JARID2: variants seen among roughly 807,000 people sequenced by gnomAD.
JARID2 encodes the protein jumonji and AT-rich interaction domain containing 2.
A neutral mutation model predicts 125.6 loss-of-function variants in JARID2; 21 were observed. The observed-to-expected ratio is 0.17, with a 90% confidence interval of 0.12 to 0.24. The LOEUF (loss-of-function observed/expected upper bound fraction) is 0.24. Among genes scored for constraint, JARID2 ranks in the 10% least tolerant of loss-of-function variants. The pLI, the probability that JARID2 is intolerant of heterozygous loss-of-function variation, is 1.00. For missense variants in JARID2, 1,303 were observed against 1,639.6 expected (o/e 0.79, Z 3.55); for synonymous variants, 736 against 661.6 (o/e 1.11, Z -1.73).
intron 3 of JARID2, among the ~76,000 whole-genome samples, chr6:15,430,155 T>A (rs937192224): frequency 6.6e-6 from 1 of 152,222 alleles, no homozygotes; most frequent in African/African-American, 2.4e-5. Flanking sequence ...GATAATAAAA[T>A]AATGTCTTAT....
chr6:15,372,982 C>G (rs569116559), intron 1 of JARID2, among the ~76,000 whole-genome samples: 78 of 152,188 alleles, frequency 5.1e-4, no homozygotes, highest in Non-Finnish European at 9.3e-4. Context: ...GCTGGGATTA[C>G]AGGCGTGAGG....
chr6:15,465,944 C>G (rs979518680), intron 4 of JARID2, among the ~76,000 whole-genome samples: 2 of 152,208 alleles, frequency 1.3e-5, no homozygotes, highest in Admixed American at 1.3e-4. Flanking sequence ...GCTGGGATTA[C>G]AGACATGCAT....
chr6:15,396,805 GTGT>G (rs1343618086), intron 2 of JARID2, among the ~76,000 whole-genome samples: 1 of 152,226 alleles, frequency 6.6e-6, no homozygotes, highest in Non-Finnish European at 1.5e-5. Context: ...GAGGGCTACA[GTGT>G]TGTCTTTTTT....
intron 6 of JARID2, among the ~76,000 whole-genome samples, chr6:15,493,207 G>C (rs1376682607): frequency 2.1e-4 from 32 of 152,130 alleles, no homozygotes; most frequent in Admixed American, 2.1e-3. Flanking sequence ...AGCGGTGTTA[G>C]GGAAGGGTAG....
At chr6:15,490,778 G>A (rs1337584656) in intron 6 of JARID2, among the ~76,000 whole-genome samples, 1 of 152,220 alleles carries the variant, frequency 6.6e-6, no homozygotes, top group African/African-American at 2.4e-5. Context: ...TCCAACAGAC[G>A]AGCTTTATTT....
At chr6:15,290,997 T>G (rs754594126) in intron 1 of JARID2, among the ~76,000 whole-genome samples, 4 of 152,126 alleles carry the variant, frequency 2.6e-5, no homozygotes, top group Non-Finnish European at 5.9e-5. Flanking sequence ...TTTGGGAGGC[T>G]GAGGCAGTGC....
chr6:15,381,501 C>G (rs1268209065), intron 2 of JARID2, among the ~76,000 whole-genome samples: 2 of 152,128 alleles, frequency 1.3e-5, no homozygotes, highest in South Asian at 2.1e-4. Context: ...TTTTCTTTCC[C>G]TCTCCTGTTT....
rs549959571 is a variant in JARID2, at chr6:15,276,992, C to T, written c.45+30408C>T. ...GGCGAAAGCTTGTTACCATGAAGTT[C>T]GTTAGAAGATGAGACTCCATTCAAA... On this transcript the variant is annotated intron_variant, in intron 1 of 17. Coordinates refer to ENST00000341776, the MANE Select transcript of JARID2 (RefSeq NM_004973.4). Among the ~76,000 whole-genome samples, 13 of 152,224 alleles carry T rather than the reference C, an allele frequency of 8.5e-5. No homozygotes were observed. The South Asian group carries it at 1.4e-3, about 17-fold the overall frequency.
intron 1 of JARID2, among the ~76,000 whole-genome samples, chr6:15,287,170 C>G (rs1238785299): frequency 6.6e-6 from 1 of 151,460 alleles, no homozygotes; most frequent in East Asian, 1.9e-4. Context: ...CAAAAAAACC[C>G]CTCTTGATCC....
intron 5 of JARID2, among the ~76,000 whole-genome samples, chr6:15,482,604 T>C (rs1769674528): frequency 6.6e-6 from 1 of 152,254 alleles, no homozygotes; most frequent in African/African-American, 2.4e-5. Context: ...TGATTGCTTC[T>C]GTATTCATCT....
intron 3 of JARID2, among the ~76,000 whole-genome samples, chr6:15,450,941 T>C (rs1174079518): frequency 6.6e-6 from 1 of 152,044 alleles, no homozygotes; most frequent in Non-Finnish European, 1.5e-5. Context: ...GGCGGGTGGA[T>C]CACCTGAGGT....
intron 1 of JARID2, among the ~76,000 whole-genome samples, chr6:15,336,400 A>C (rs902648930): frequency 5.3e-5 from 8 of 152,264 alleles, no homozygotes; most frequent in African/African-American, 1.9e-4. Flanking sequence ...GGAATGAACT[A>C]CTTTGGTCAA....
chr6:15,438,027 T>C (rs1196837522), intron 3 of JARID2, among the ~76,000 whole-genome samples: 2 of 152,320 alleles, frequency 1.3e-5, no homozygotes, highest in East Asian at 3.9e-4. Flanking sequence ...GTTTAATGTC[T>C]TGGGGCCTGT....
chr6:15,513,908 C>T (rs1771406814), intron 16 of JARID2, among the ~76,000 whole-genome samples: 1 of 152,228 alleles, frequency 6.6e-6, no homozygotes, highest in Non-Finnish European at 1.5e-5. Flanking sequence ...CTGCCTCAGC[C>T]CCCGAGGACT....
At chr6:15,272,820 T>A (rs190121352) in intron 1 of JARID2, among the ~76,000 whole-genome samples, 1 of 152,322 alleles carries the variant, frequency 6.6e-6, no homozygotes, top group East Asian at 1.9e-4. Flanking sequence ...GCCACTCAAT[T>A]TTGCGTGGCA....
At chr6:15,322,207 A>G (rs1026192466) in intron 1 of JARID2, among the ~76,000 whole-genome samples, 1 of 152,246 alleles carries the variant, frequency 6.6e-6, no homozygotes, top group Non-Finnish European at 1.5e-5. Flanking sequence ...GGCATGTAGA[A>G]TCATAGGGTC....
At chr6:15,317,409 A>G (rs1296591876) in intron 1 of JARID2, among the ~76,000 whole-genome samples, 1 of 152,224 alleles carries the variant, frequency 6.6e-6, no homozygotes, top group Non-Finnish European at 1.5e-5. Flanking sequence ...GTTTGCAGGT[A>G]GAAATACAGT....
At chr6:15,509,285 G>C (rs1478520048) in intron 12 of JARID2, 8 of 985,332 alleles carry the variant, frequency 8.1e-6, no homozygotes, top group Non-Finnish European at 9.6e-6. Context: ...TCGTTTACCG[G>C]CATGCTGTTC....
At chr6:15,369,312 G>T (rs756322836) in intron 1 of JARID2, 1 of 462,982 alleles carries the variant, frequency 2.2e-6, no homozygotes, top group South Asian at 1.6e-5. Context: ...AGTAAATTTT[G>T]TAAAAAAAAT....
Sources: allele counts gnomAD v4.1 joint callset (sites outside exome capture counted in the v4.1 genomes callset), GRCh38; gene constraint gnomAD v4.1.1; transcripts MANE v1.5; gene names NCBI Gene and HGNC (gene_info 2026-07-23, HGNC 2026-07-21).